USP25: variants seen among roughly 807,000 people sequenced by gnomAD.
USP25 encodes ubiquitin carboxyl-terminal hydrolase 25.
A neutral mutation model predicts 158.5 loss-of-function variants in USP25; 85 were observed. That is an observed-to-expected ratio of 0.54 (90% confidence interval 0.45 to 0.64). The LOEUF is 0.64. Among genes scored for constraint, USP25 ranks in the 30% least tolerant of loss-of-function variants. The pLI, the probability that USP25 is intolerant of heterozygous loss-of-function variation, is 0.00. For synonymous variants in USP25, 464 were observed against 460.4 expected (o/e 1.01, Z -0.10); for missense variants, 1,242 against 1,327.3 (o/e 0.94, Z 1.00).
At chr21:15,767,263 T>A (rs932779957) in intron 3 of USP25, among the ~76,000 whole-genome samples, 1 of 152,076 alleles carries the variant, frequency 6.6e-6, no homozygotes, top group Non-Finnish European at 1.5e-5. Context: ...TTTCTCTGTC[T>A]TTACATTTGC....
intron 3 of USP25, among the ~76,000 whole-genome samples, chr21:15,770,569 T>G (rs2034294917): frequency 6.6e-6 from 1 of 152,176 alleles, no homozygotes; most frequent in Non-Finnish European, 1.5e-5. Context: ...CTCATTTTCC[T>G]TGCTTACCAC....
chr21:15,865,455 T>C (rs1467007379), intron 21 of USP25, among the ~76,000 whole-genome samples: 1 of 152,170 alleles, frequency 6.6e-6, no homozygotes, highest in Non-Finnish European at 1.5e-5. Flanking sequence ...CTGTGCATAA[T>C]ACAAATAAAT....
rs1000100946 is a variant in USP25 at position 15,831,485 on chromosome 21, G to A, written c.1849G>A (p.Glu617Lys). 1.9e-6 allele frequency: 3 copies of A among 1,614,078 alleles called. No individual in the cohort carries two copies. Among genetic ancestry groups the A allele is most frequent in the Non-Finnish European group, 2.5e-6 (3 of 1,179,976 alleles). ...CTGGGCATATATTTTTGATCATCGT[G>A]AAAGCAGATGGATGAAGTACAATGA... ...HYWAYIFDHR[E>K]SRWMKYNDIA... The change falls in exon 16 of 26, where the codon GAA (glutamate) becomes AAA (lysine). Residue 617 changes from glutamate (E) to lysine (K), a missense_variant. This residue lies in a region of USP25 where 608 missense variants were observed against 605.2 expected (regional missense o/e 1.00). Transcript: ENST00000400183.
At position 15,843,509 on chromosome 21, in the gene USP25, T is replaced by C. The variant is rs2038438471; in HGVS notation, c.2337+969T>C. 1.3e-5 allele frequency among the ~76,000 whole-genome samples: 2 copies of C among 152,220 alleles called. No homozygotes were observed. Among genetic ancestry groups the C allele is most frequent in the South Asian group, 4.1e-4 (2 of 4,836 alleles). On this transcript the variant is annotated intron_variant, in intron 18 of 25. Transcript: ENST00000400183. The surrounding 1 kb of genome is among the most constrained non-coding windows in gnomAD (Gnocchi z 4.0). ...TTTGTTTTGATGAACTAAATAACAA[T>C]ACAAATTATTTTTTGTTTGAACAAT...
At chr21:15,746,740 G>A (rs748483007) in intron 1 of USP25, among the ~76,000 whole-genome samples, 17 of 152,152 alleles carry the variant, frequency 1.1e-4, no homozygotes, top group Non-Finnish European at 1.8e-4. Flanking sequence ...CTGGTATATA[G>A]AATGTGGTTG....
chr21:15,831,479 C>T lies in USP25; in HGVS notation c.1843C>T (p.His615Tyr). The T allele has an allele frequency of 6.2e-7, 1 of 1,613,972 alleles. No homozygotes were observed. The highest frequency in any genetic ancestry group is 8.5e-7 in the Non-Finnish European group (1 of 1,179,944). Residue 615 changes from histidine (H) to tyrosine (Y), a missense_variant, in exon 16 of 26, where the codon CAT becomes TAT. This residue lies in a region of USP25 where 608 missense variants were observed against 605.2 expected (regional missense o/e 1.00). Coordinates refer to ENST00000400183, the MANE Select transcript of USP25 (RefSeq NM_001283041.3). Reference sequence around the variant, plus strand: ...GCACTACTGGGCATATATTTTTGATCATCGTGAAAGCAGATGGATGAAGTA... The same window carrying T: ...GCACTACTGGGCATATATTTTTGATTATCGTGAAAGCAGATGGATGAAGTA... ...AGHYWAYIFD[H>Y]RESRWMKYND...
intron 3 of USP25, among the ~76,000 whole-genome samples, chr21:15,776,344 A>G (rs975701823): frequency 2.6e-5 from 4 of 152,160 alleles, no homozygotes; most frequent in Admixed American, 6.5e-5. Context: ...GACATTAAAA[A>G]AAACACCACC....
rs147558420 is a variant in USP25 at position 15,805,530 on chromosome 21, G to A, written c.780+272G>A. On this transcript the variant is annotated intron_variant, in intron 7 of 25. Coordinates refer to ENST00000400183, the MANE Select transcript of USP25 (RefSeq NM_001283041.3). ...TACATAATTAAACATGTTCACAAAT[G>A]TGTGATAACAGAGGATCATTATAGT... 424 of 236,284 alleles carry A rather than the reference G, an allele frequency of 1.8e-3. 1 individual carries two copies. Among genetic ancestry groups the A allele is most frequent in the African/African-American group, 9.0e-3 (401 of 44,494 alleles). The allele number at this position is 236,284 out of a possible 1,614,324, so 14.6% of individuals were successfully genotyped here.
chr21:15,821,781 G>GT (rs552615273), intron 10 of USP25, among the ~76,000 whole-genome samples: 2 of 151,840 alleles, frequency 1.3e-5, no homozygotes, highest in South Asian at 2.1e-4. Context: ...TTTTTCTGTT[G>GT]TTTTTTTCTC....
intron 1 of USP25, among the ~76,000 whole-genome samples, chr21:15,761,804 T>C (rs1231177300): frequency 6.6e-6 from 1 of 152,158 alleles, no homozygotes; most frequent in African/African-American, 2.4e-5. Context: ...CCCTTCCAAG[T>C]GTACTTTACT....
chr21:15,801,681 A>C (rs771371567), intron 6 of USP25, among the ~76,000 whole-genome samples: 1 of 151,566 alleles, frequency 6.6e-6, no homozygotes, highest in East Asian at 1.9e-4. Context: ...TTTACCGCCA[A>C]CTCGTGACAT....
intron 5 of USP25, among the ~76,000 whole-genome samples, chr21:15,792,373 T>C (rs1377734195): frequency 2.6e-5 from 4 of 151,728 alleles, no homozygotes; most frequent in African/African-American, 9.7e-5. Context: ...ATCCATCAGA[T>C]TGCAAAACTT....
intron 24 of USP25, chr21:15,877,130 G>C (rs916289052): frequency 1.2e-4 from 18 of 152,158 alleles, no homozygotes; most frequent in Non-Finnish European, 1.2e-4. Context: ...CAATGGCAGA[G>C]TTGAATAGTT....
chr21:15,837,356 A>G (rs1371868799), intron 17 of USP25, among the ~76,000 whole-genome samples: 2 of 135,258 alleles, frequency 1.5e-5, no homozygotes, highest in African/African-American at 5.6e-5. Flanking sequence ...TAGGGGAGCA[A>G]ACTTACCTGA....
Position 15,798,277 on chromosome 21 carries a change from T to C in USP25, c.556-1480T>C, listed in dbSNP as rs2035959279. Reference sequence around the variant, plus strand: ...ATTTTTTGATGTACAGCAGAATCTTTTGTGGAACTTTGTATCTTTATTGAG... The same window carrying C: ...ATTTTTTGATGTACAGCAGAATCTTCTGTGGAACTTTGTATCTTTATTGAG... On this transcript the variant is annotated intron_variant, in intron 5 of 25. Transcript: ENST00000400183. 2.0e-5 allele frequency among the ~76,000 whole-genome samples: 3 copies of C among 151,430 alleles called. No individual in the cohort carries two copies. The East Asian group carries it at 5.8e-4, about 29-fold the overall frequency.
Position 15,794,448 on chromosome 21 carries a change from G to A in USP25, c.555+2784G>A, listed in dbSNP as rs959551187. The stretch of plus-strand genomic sequence containing the variant: ...TTCACTTGGTACTTTTATGTAGAAA[G>A]TACTGATTGCAGCTGTTCCCCACTA... On this transcript the variant is annotated intron_variant, in intron 5 of 25. Transcript: ENST00000400183. 2.6e-5 allele frequency among the ~76,000 whole-genome samples: 4 copies of A among 151,668 alleles called. No individual in the cohort carries two copies. In the East Asian group the frequency reaches 7.7e-4, roughly 29 times the overall value.
intron 1 of USP25, among the ~76,000 whole-genome samples, chr21:15,741,112 C>A (rs995417580): frequency 8.0e-5 from 12 of 149,224 alleles, no homozygotes; most frequent in Non-Finnish European, 1.8e-4. Flanking sequence ...TGGGTCTTCA[C>A]ATCGATTTGT....
intron 5 of USP25, among the ~76,000 whole-genome samples, chr21:15,792,652 A>C (rs2035653190): frequency 6.6e-6 from 1 of 151,540 alleles, no homozygotes; most frequent in African/African-American, 2.4e-5. Context: ...CATTTTCTAC[A>C]AGTTAATTGT....
intron 1 of USP25, among the ~76,000 whole-genome samples, chr21:15,753,542 C>T (rs1864771440): frequency 1.3e-5 from 2 of 152,092 alleles, no homozygotes; most frequent in South Asian, 4.2e-4. Context: ...TTGACAGGAC[C>T]AGAACTGGGA....
Sources: gnomAD v4.1 joint callset for allele counts (sites outside exome capture counted in the v4.1 genomes callset) on GRCh38, gnomAD v4.1.1 for gene constraint, gnomAD v4.1.1 regional missense constraint, Gnocchi (gnomAD v3.1) non-coding constraint, MANE v1.5 for transcripts, NCBI Gene and HGNC (gene_info 2026-07-23, HGNC 2026-07-21) for gene names.